Variants in UCHL3 observed in about 807,000 individuals in gnomAD.
UCHL3 encodes the protein ubiquitin carboxyl-terminal hydrolase isozyme L3.
A neutral mutation model predicts 35.8 loss-of-function variants in UCHL3; 22 were observed. That is an observed-to-expected ratio of 0.61 (90% CI 0.44 to 0.88). The LOEUF is 0.88. UCHL3 is among the 40% of genes least tolerant of loss of function. The pLI is 0.00. For missense variants in UCHL3, 229 were observed against 276.9 expected (o/e 0.83, Z 1.23); for synonymous variants, 90 against 92.8 (o/e 0.97, Z 0.17).
intron 3 of UCHL3, among the ~76,000 whole-genome samples, 170 bp from the exon 4 acceptor site, chr13:75,566,525 A>G (rs901795084): frequency 6.6e-6 from 1 of 152,218 alleles, no homozygotes; most frequent in Non-Finnish European, 1.5e-5. Flanking sequence ...GGCTACTGCT[A>G]TTCATTTTTC....
intron 6 of UCHL3, among the ~76,000 whole-genome samples, chr13:75,571,496 A>G (rs1035532284): frequency 6.6e-6 from 1 of 152,188 alleles, no homozygotes; most frequent in Non-Finnish European, 1.5e-5. Context: ...TCTGTTTCTT[A>G]CAATAGTTCC....
At chr13:75,604,880 A>C (rs2032888300) in intron 8 of UCHL3, 53 bp downstream of exon 8, 7 of 1,464,940 alleles carry the variant, frequency 4.8e-6, no homozygotes, top group Non-Finnish European at 6.5e-6. Flanking sequence ...CATCTTTAAA[A>C]CATCTCTAAA....
At chr13:75,561,826 C>T (rs1214311429) in intron 3 of UCHL3, among the ~76,000 whole-genome samples, 1 of 32,488 alleles carries the variant, frequency 3.1e-5, no homozygotes, top group East Asian at 1.3e-3. Flanking sequence ...TACGTATATA[C>T]GTACGTATAT....
At chr13:75,552,517 TATTA>T (rs2031148016) in intron 2 of UCHL3, among the ~76,000 whole-genome samples, 2 of 152,176 alleles carry the variant, frequency 1.3e-5, no homozygotes, top group South Asian at 4.1e-4. Context: ...TGCAGATGAG[TATTA>T]ATTGTTAGAC....
intron 6 of UCHL3, among the ~76,000 whole-genome samples, chr13:75,594,131 C>T (rs568049285): frequency 1.8e-4 from 28 of 152,220 alleles, no homozygotes; most frequent in African/African-American, 3.9e-4. Context: ...ATCAATGTAT[C>T]GACTTTGCAT....
At chr13:75,574,369 G>A (rs974558859) in intron 6 of UCHL3, among the ~76,000 whole-genome samples, 1 of 151,778 alleles carries the variant, frequency 6.6e-6, no homozygotes, top group Non-Finnish European at 1.5e-5. Flanking sequence ...GTGTATATTT[G>A]TTTATTCTGC....
At chr13:75,562,948 G>C (rs2031563718) in intron 3 of UCHL3, among the ~76,000 whole-genome samples, 1 of 152,056 alleles carries the variant, frequency 6.6e-6, no homozygotes, top group Non-Finnish European at 1.5e-5. Context: ...CAGTTTTGTA[G>C]ATCCCTATTT....
intron 3 of UCHL3, 56 bp from the exon 4 acceptor site, chr13:75,566,637 TGA>T (rs2031690218): frequency 9.0e-6 from 10 of 1,113,094 alleles, no homozygotes; most frequent in Non-Finnish European, 1.2e-5. Context: ...TTTTACAGAC[TGA>T]GTTTTTTAAT....
intron 3 of UCHL3, among the ~76,000 whole-genome samples, chr13:75,561,831 G>GTA (rs1566211585): frequency 1.4e-5 from 1 of 70,310 alleles, no homozygotes; most frequent in African/African-American, 3.7e-5. Context: ...ATATACGTAC[G>GTA]TATATACGTA....
Position 75,569,483 on chromosome 13 carries a change from C to T in UCHL3, c.450C>T (p.Thr150=). Residue 150 remains threonine (T), a synonymous_variant, in exon 6 of 9, where the codon ACC becomes ACT. Transcript: ENST00000377595. The part of the protein sequence containing the change: ...NYDAIRVTHE[T]SAHEGQTEAP... ...AGGCCATCCGAGTTACTCATGAGAC[C>T]AGTGCCCATGAAGGTCAGACTGAGG... The T allele has an allele frequency of 1.2e-6, 2 of 1,610,238 alleles. No homozygotes were observed. Among genetic ancestry groups the T allele is most frequent in the Non-Finnish European group, 1.7e-6 (2 of 1,178,604 alleles).
At chr13:75,558,701 G>A (rs2031376958) in intron 2 of UCHL3, among the ~76,000 whole-genome samples, 1 of 152,108 alleles carries the variant, frequency 6.6e-6, no homozygotes, top group South Asian at 2.1e-4. Flanking sequence ...ACATACAGAT[G>A]GCTAGGTTAT....
chr13:75,599,158 T>C (rs2032717641), intron 7 of UCHL3, among the ~76,000 whole-genome samples: 1 of 137,428 alleles, frequency 7.3e-6, no homozygotes, highest in South Asian at 2.3e-4. Flanking sequence ...TTTTTGTAAA[T>C]TGGGGTCTAG....
intron 6 of UCHL3, among the ~76,000 whole-genome samples, chr13:75,570,681 G>C (rs1053263612): frequency 6.6e-6 from 1 of 152,228 alleles, no homozygotes; most frequent in South Asian, 2.1e-4. Context: ...AGTTAAAGCA[G>C]AAGGATCGCT....
chr13:75,589,327 A>G (rs1005290968), intron 6 of UCHL3, among the ~76,000 whole-genome samples: 1 of 152,200 alleles, frequency 6.6e-6, no homozygotes, highest in African/African-American at 2.4e-5. Flanking sequence ...GGCATAAAAA[A>G]AGATGCGTAT....
chr13:75,549,765 CGGCGGCGGCGGCGAA>C (rs8192737), upstream of UCHL3: 239,846 of 1,453,500 alleles, frequency 0.17, 27,841 homozygotes, highest in African/African-American at 0.55. Context: ...TGGGCGGAAG[CGGCGGCGGCGGCGAA>C]GGCGGCGGCT....
At chr13:75,598,324 A>G (rs1478734568) in intron 7 of UCHL3, among the ~76,000 whole-genome samples, 1 of 152,208 alleles carries the variant, frequency 6.6e-6, no homozygotes, top group Non-Finnish European at 1.5e-5. Context: ...AAACAAGTGG[A>G]TACTCTCCTA....
intron 7 of UCHL3, among the ~76,000 whole-genome samples, chr13:75,596,452 A>C (rs183059182): frequency 2.0e-5 from 3 of 152,290 alleles, no homozygotes. Context: ...GGTTGCTGGA[A>C]GCAGATTTTC....
chr13:75,602,248 T>C (rs1260262404), intron 7 of UCHL3, among the ~76,000 whole-genome samples: 1 of 152,252 alleles, frequency 6.6e-6, no homozygotes, highest in African/African-American at 2.4e-5. Context: ...TACTCAGTTA[T>C]CTGCACCAAA....
At chr13:75,550,732 T>TG (rs1230657268) in intron 2 of UCHL3, among the ~76,000 whole-genome samples, 2 of 151,762 alleles carry the variant, frequency 1.3e-5, no homozygotes, top group African/African-American at 4.8e-5. Context: ...TTTTTTTTTT[T>TG]TTTTCATTCT....
Sources: allele counts gnomAD v4.1 joint callset (sites outside exome capture counted in the v4.1 genomes callset), GRCh38; gene constraint gnomAD v4.1.1; transcripts MANE v1.5; gene names NCBI Gene and HGNC (gene_info 2026-07-23, HGNC 2026-07-21).